The following NRG4 variants were observed in gnomAD, a reference collection of about 807,000 sequenced individuals.
NRG4 encodes pro-neuregulin-4, membrane-bound isoform.
In NRG4, 10 loss-of-function variants were observed where a neutral mutation model predicts 15.0. The ratio of observed to expected loss-of-function variants is 0.67; its 90% CI spans 0.41 to 1.13. NRG4 has a LOEUF of 1.13. Among genes scored for constraint, NRG4 ranks in the 50% most tolerant of loss-of-function variants. NRG4 has a pLI of 0.00. For missense variants in NRG4, 139 were observed against 140.2 expected (o/e 0.99, Z 0.04); for synonymous variants, 41 against 50.1 (o/e 0.82, Z 0.77).
At chr15:75,993,392 TAAAAAAAAAAA>T (rs60453624) in intron 3 of NRG4, among the ~76,000 whole-genome samples, 24 of 72,146 alleles carry the variant, frequency 3.3e-4, no homozygotes, top group East Asian at 7.7e-4. Flanking sequence ...GAGGATTCTG[TAAAAAAAAAAA>T]AAAAAAAAAA....
At chr15:75,980,042 C>T (rs1051989263) in intron 3 of NRG4, among the ~76,000 whole-genome samples, 1 of 152,066 alleles carries the variant, frequency 6.6e-6, no homozygotes, top group African/African-American at 2.4e-5. Flanking sequence ...CTAAATATTA[C>T]CTAACTTTTA....
rs2469041 is a variant in NRG4 at position 75,975,287 on chromosome 15, G to A, written c.105-13313C>T. Among the ~76,000 whole-genome samples, 1,505 of 152,220 alleles carry A rather than the reference G, an allele frequency of 9.9e-3. 28 individuals carry two copies. The highest frequency in any genetic ancestry group is 0.034 in the African/African-American group (1,391 of 41,514). On this transcript the variant is annotated intron_variant, in intron 3 of 5. Transcript: ENST00000394907. The stretch of plus-strand genomic sequence containing the variant: ...TCTCCTGAATAGAGCACACCAGTGA[G>A]TCTTGACTCTATCCAATTTGCCAGT...
In NRG4 at chr15:75,943,391, C is replaced by G. The variant is rs2031193286; in HGVS notation, c.*247G>C. The G allele has an allele frequency of 2.2e-6, 1 of 462,534 alleles. No homozygotes were observed. The highest frequency in any genetic ancestry group is 4.2e-5 in the Admixed American group (1 of 24,092). The allele number at this position is 462,534 out of a possible 1,614,324, so 28.7% of individuals were successfully genotyped here. ...AGCACATCAGCTTTCTGGGGAGAGTCATGTTGAACCAATGTGACTTCGAAT... is the reference window on the plus strand; with the variant it reads ...AGCACATCAGCTTTCTGGGGAGAGTGATGTTGAACCAATGTGACTTCGAAT... On this transcript the variant is annotated 3_prime_UTR_variant, in exon 6 of 6. Transcript: ENST00000394907.
At chr15:75,980,692 G>C (rs546919218) in intron 3 of NRG4, among the ~76,000 whole-genome samples, 5 of 152,018 alleles carry the variant, frequency 3.3e-5, no homozygotes, top group Non-Finnish European at 7.4e-5. Context: ...AAGGTACTTA[G>C]GATACCCTAG....
chr15:75,956,570 T>A (rs2032254618), intron 4 of NRG4, among the ~76,000 whole-genome samples: 1 of 152,208 alleles, frequency 6.6e-6, no homozygotes, highest in African/African-American at 2.4e-5. Flanking sequence ...TATGTCTATA[T>A]GCAGTTTTAG....
intron 2 of NRG4, among the ~76,000 whole-genome samples, chr15:76,054,132 G>A (rs2036093776): frequency 1.3e-5 from 2 of 150,622 alleles, no homozygotes; most frequent in Admixed American, 6.6e-5. Flanking sequence ...CTGTCACCCA[G>A]GCTGGAGTGC....
intron 5 of NRG4, among the ~76,000 whole-genome samples, chr15:76,020,625 T>C (rs1469912074): frequency 6.6e-6 from 1 of 152,148 alleles, no homozygotes; most frequent in Non-Finnish European, 1.5e-5. Context: ...CAAAAAAATC[T>C]TATAATGTTT....
At chr15:75,949,158 T>C (rs2031726293) in intron 5 of NRG4, among the ~76,000 whole-genome samples, 1 of 152,186 alleles carries the variant, frequency 6.6e-6, no homozygotes, top group African/African-American at 2.4e-5. Context: ...AAAAAGATCA[T>C]GTGTCCATTC....
intron 4 of NRG4, among the ~76,000 whole-genome samples, chr15:76,046,383 G>A (rs903082620): frequency 4.6e-5 from 7 of 151,042 alleles, no homozygotes; most frequent in Admixed American, 6.6e-5. Context: ...CCAAAGACCT[G>A]GAATAGACAA....
chr15:75,987,929 G>A (rs113765813), intron 3 of NRG4, among the ~76,000 whole-genome samples: 3 of 152,250 alleles, frequency 2.0e-5, no homozygotes, highest in African/African-American at 7.2e-5. Context: ...GATATACACT[G>A]TAGATGCCAT....
intron 4 of NRG4, among the ~76,000 whole-genome samples, chr15:76,045,867 G>A (rs1327734367): frequency 3.3e-5 from 5 of 150,884 alleles, no homozygotes; most frequent in African/African-American, 9.9e-5. Context: ...CCTAGTATTT[G>A]CTAGCACAAC....
At chr15:76,058,638 T>C (rs756335874) in intron 1 of NRG4, among the ~76,000 whole-genome samples, 6 of 152,190 alleles carry the variant, frequency 3.9e-5, no homozygotes, top group Non-Finnish European at 5.9e-5. Context: ...AAAAACACTT[T>C]AGAAGAGGTA....
At chr15:76,052,808 G>A (rs2036052466) in intron 3 of NRG4, 1 of 150,980 alleles carries the variant, frequency 6.6e-6, no homozygotes, top group Non-Finnish European at 1.5e-5. Context: ...TTGTATTCCA[G>A]TCAATAGTTA....
chr15:76,005,234 T>C (rs956178921), intron 3 of NRG4, among the ~76,000 whole-genome samples: 18 of 151,468 alleles, frequency 1.2e-4, no homozygotes, highest in Middle Eastern at 3.4e-3. Flanking sequence ...AAAAAATAAA[T>C]TGCCAAGTGC....
chr15:75,944,871 T>A (rs1001375457), intron 5 of NRG4, among the ~76,000 whole-genome samples: 8 of 152,186 alleles, frequency 5.3e-5, no homozygotes, highest in African/African-American at 1.4e-4. Context: ...CAGCTGAGCC[T>A]AATACCTTAC....
At chr15:75,993,593 G>A (rs1377978426) in intron 3 of NRG4, among the ~76,000 whole-genome samples, 3 of 151,706 alleles carry the variant, frequency 2.0e-5, no homozygotes, top group Non-Finnish European at 4.4e-5. Flanking sequence ...CAGCTACTCA[G>A]GAAGCTGAGG....
At position 75,995,295 on chromosome 15, in the gene NRG4, G is replaced by A. The variant is rs184487961; in HGVS notation, c.104+13905C>T. The stretch of plus-strand genomic sequence containing the variant: ...AGCATGGTGCCAGCATCTGCTTCTG[G>A]TGAGCACTCAGGAAGTGTACAATCA... On this transcript the variant is annotated intron_variant, in intron 3 of 5. Transcript: ENST00000394907. Among the ~76,000 whole-genome samples, 380 of 152,296 alleles carry A rather than the reference G, an allele frequency of 2.5e-3. 3 individuals are homozygous for A. Among genetic ancestry groups the A allele is most frequent in the African/African-American group, 8.8e-3 (364 of 41,558 alleles).
intron 2 of NRG4, among the ~76,000 whole-genome samples, chr15:76,056,014 A>G (rs545804868): frequency 1.1e-4 from 16 of 152,204 alleles, no homozygotes; most frequent in Non-Finnish European, 2.1e-4. Context: ...CCTACTTAGG[A>G]GAAAACTTTA....
chr15:76,056,906 G>A (rs2036164971), intron 2 of NRG4: 1 of 152,098 alleles, frequency 6.6e-6, no homozygotes, highest in South Asian at 2.1e-4. Flanking sequence ...TGTGATCCTG[G>A]TACTCTTGAA....
Sources: gnomAD v4.1 joint callset for allele counts (sites outside exome capture counted in the v4.1 genomes callset) on GRCh38, gnomAD v4.1.1 for gene constraint, MANE v1.5 for transcripts, NCBI Gene and HGNC (gene_info 2026-07-23, HGNC 2026-07-21) for gene names.